CCDC102B: variants seen among roughly 807,000 people sequenced by gnomAD.
The protein encoded by CCDC102B is coiled-coil domain containing 102B, also known as coiled-coil domain-containing protein 102B.
CCDC102B carries 75 observed loss-of-function variants against 57.4 expected under a neutral mutation model. The observed-to-expected ratio is 1.31, with a 90% CI of 1.08 to 1.58. The LOEUF (loss-of-function observed/expected upper bound fraction) is 1.58, where lower values mean the gene tolerates loss of function less well. CCDC102B is among the 40% of genes most tolerant of loss of function. The pLI, the probability that CCDC102B is intolerant of heterozygous loss-of-function variation, is 0.00. For missense variants in CCDC102B, 636 were observed against 582.6 expected, an observed-to-expected ratio of 1.09 and a Z score of -0.94; for synonymous variants, 206 against 201.9, an observed-to-expected ratio of 1.02 and a Z score of -0.17.
chr18:68,876,182 A>T (rs758079981), intron 5 of CCDC102B, among the ~76,000 whole-genome samples: 1 of 152,242 alleles, frequency 6.6e-6, no homozygotes. Context: ...GGAAGAAAGC[A>T]CATATAGATA....
intron 2 of CCDC102B, among the ~76,000 whole-genome samples, chr18:68,731,114 G>C (rs1274494350): frequency 3.3e-5 from 5 of 152,086 alleles, no homozygotes; most frequent in Admixed American, 3.3e-4. Context: ...AGCTTCCCAA[G>C]TAGCTAGGAC....
At chr18:68,989,025 A>C (rs543098484) in intron 6 of CCDC102B, among the ~76,000 whole-genome samples, 4 of 152,132 alleles carry the variant, frequency 2.6e-5, no homozygotes, top group Admixed American at 1.3e-4. Flanking sequence ...ACCTCCTCTC[A>C]TATCTCTCAT....
At chr18:68,823,293 G>C (rs1352101258) in intron 1 of CCDC102B, 1 of 152,256 alleles carries the variant, frequency 6.6e-6, no homozygotes. Flanking sequence ...CCTGTCTGTA[G>C]AGTGTATGTT....
chr18:68,849,861 G>T (rs1943765162), intron 4 of CCDC102B, among the ~76,000 whole-genome samples: 1 of 152,086 alleles, frequency 6.6e-6, no homozygotes, highest in Admixed American at 6.6e-5. Context: ...TGTTTGGAGG[G>T]CAGCCTTCTC....
intron 2 of CCDC102B, among the ~76,000 whole-genome samples, chr18:68,732,734 T>C (rs1031645116): frequency 6.6e-6 from 1 of 152,154 alleles, no homozygotes; most frequent in Non-Finnish European, 1.5e-5. Context: ...TTCATCTATT[T>C]AGAGTTAAGG....
chr18:69,050,225 G>T (rs17080156), intron 7 of CCDC102B, among the ~76,000 whole-genome samples: 8,060 of 152,202 alleles, frequency 0.053, 732 homozygotes, highest in African/African-American at 0.18. Context: ...TTCAATTTGT[G>T]AGTATACAGG....
chr18:69,023,777 A>T (rs1335895023), intron 7 of CCDC102B, among the ~76,000 whole-genome samples: 1 of 152,018 alleles, frequency 6.6e-6, no homozygotes, highest in East Asian at 1.9e-4. Context: ...TTGCACCATG[A>T]TAATAAAACT....
At chr18:69,006,689 C>T (rs1027141882) in intron 6 of CCDC102B, among the ~76,000 whole-genome samples, 22 of 151,398 alleles carry the variant, frequency 1.5e-4, no homozygotes, top group Non-Finnish European at 2.8e-4. Context: ...GTGATCCACC[C>T]GCCTCAGCCT....
Position 69,054,173 on chromosome 18 carries a change from C to T in CCDC102B, c.*36C>T. 6.5e-7 allele frequency: 1 copy of T among 1,548,144 alleles called. No individual in the cohort carries two copies. The highest frequency in any genetic ancestry group is 1.2e-5 in the South Asian group (1 of 81,948). ...AAATATGCTGAATTAAAGATTAGGG[C>T]CTTAAAGACATTTCCATATCCTTTT... On this transcript the variant is annotated 3_prime_UTR_variant, in exon 8 of 8. Coordinates refer to ENST00000360242, the MANE Select transcript of CCDC102B (RefSeq NM_024781.3).
intron 3 of CCDC102B, among the ~76,000 whole-genome samples, chr18:68,842,656 C>T (rs768395044): frequency 6.6e-6 from 1 of 152,140 alleles, no homozygotes; most frequent in Non-Finnish European, 1.5e-5. Context: ...TTTCCAGAGG[C>T]AGCGGTGGCC....
At chr18:68,925,717 G>A (rs1568334206) in intron 6 of CCDC102B, among the ~76,000 whole-genome samples, 1 of 151,902 alleles carries the variant, frequency 6.6e-6, no homozygotes, top group Admixed American at 6.6e-5. Context: ...AGTGGAAGAT[G>A]TTATTTTCAG....
At chr18:69,024,991 G>T (rs2051945227) in intron 7 of CCDC102B, among the ~76,000 whole-genome samples, 2 of 151,968 alleles carry the variant, frequency 1.3e-5, no homozygotes, top group Admixed American at 1.3e-4. Context: ...CATGGAAAAG[G>T]TGATTTTGTG....
At chr18:68,778,005 C>G (rs1182708582) in intron 2 of CCDC102B, among the ~76,000 whole-genome samples, 1 of 152,084 alleles carries the variant, frequency 6.6e-6, no homozygotes, top group Non-Finnish European at 1.5e-5. Flanking sequence ...ATTCATTAAA[C>G]CACTGATCCA....
At chr18:68,903,262 C>G (rs2040513382) in intron 6 of CCDC102B, among the ~76,000 whole-genome samples, 1 of 152,122 alleles carries the variant, frequency 6.6e-6, no homozygotes, top group South Asian at 2.1e-4. Flanking sequence ...TGATCCTAAA[C>G]CATTTTTATG....
At chr18:68,743,412 A>AAACC (rs529918855) in intron 2 of CCDC102B, among the ~76,000 whole-genome samples, 13 of 152,080 alleles carry the variant, frequency 8.5e-5, no homozygotes, top group Middle Eastern at 3.4e-3. Flanking sequence ...TCCATCTCAA[A>AAACC]AACCAACCAA....
intron 6 of CCDC102B, among the ~76,000 whole-genome samples, chr18:68,931,064 C>T (rs2041656605): frequency 6.6e-6 from 1 of 151,812 alleles, no homozygotes. Context: ...TAACATTAGA[C>T]ACCTCAAAAT....
intron 5 of CCDC102B, among the ~76,000 whole-genome samples, chr18:68,875,125 A>T (rs80105540): frequency 1.3e-5 from 2 of 152,158 alleles, no homozygotes; most frequent in African/African-American, 4.8e-5. Context: ...GACATACAAG[A>T]TATGTGTCAT....
intron 1 of CCDC102B, among the ~76,000 whole-genome samples, chr18:68,817,534 A>G (rs1191251441): frequency 3.9e-5 from 6 of 152,214 alleles, no homozygotes; most frequent in Admixed American, 3.9e-4. Flanking sequence ...AGATGAAGGA[A>G]GTGGTTAGGC....
chr18:68,851,440 T>C (rs1267994022), intron 4 of CCDC102B, among the ~76,000 whole-genome samples: 9 of 152,206 alleles, frequency 5.9e-5, no homozygotes, highest in Admixed American at 5.9e-4. Context: ...GCATGTGGGA[T>C]ACCACTTTGC....
Sources: gnomAD v4.1 joint callset for allele counts (sites outside exome capture counted in the v4.1 genomes callset) on GRCh38, gnomAD v4.1.1 for gene constraint, MANE v1.5 for transcripts, NCBI Gene and HGNC (gene_info 2026-07-23, HGNC 2026-07-21) for gene names.